The following RPS6KA2 variants were observed in gnomAD, a reference collection of about 807,000 sequenced individuals.
RPS6KA2 encodes the protein ribosomal protein S6 kinase A2.
A neutral mutation model predicts 91.8 loss-of-function variants in RPS6KA2; 42 were observed. The ratio of observed to expected loss-of-function variants is 0.46; its 90% CI spans 0.36 to 0.59. The LOEUF is 0.59. RPS6KA2 is among the 20% of genes least tolerant of loss of function. The probability of loss-of-function intolerance (pLI) is 0.00; values close to 1 mark genes in which losing one functional copy is unlikely to be tolerated. For synonymous variants in RPS6KA2, 414 were observed against 393.6 expected (o/e 1.05, Z -0.61); for missense variants, 798 against 978.5 (o/e 0.82, Z 2.46).
intron 2 of RPS6KA2, among the ~76,000 whole-genome samples, chr6:166,810,010 G>A (rs983083534): frequency 3.9e-5 from 6 of 152,192 alleles, no homozygotes; most frequent in Non-Finnish European, 7.3e-5. Context: ...TCACAGTTAC[G>A]CATAACTGGA....
chr6:166,703,210 C>T (rs1265453265), intron 2 of RPS6KA2, among the ~76,000 whole-genome samples: 8 of 152,166 alleles, frequency 5.3e-5, no homozygotes, highest in South Asian at 2.1e-4. Flanking sequence ...AATGCTTATT[C>T]GTATATGGAT....
chr6:166,841,549 A>T (rs1164691687), intron 2 of RPS6KA2, among the ~76,000 whole-genome samples: 1 of 152,268 alleles, frequency 6.6e-6, no homozygotes, highest in African/African-American at 2.4e-5. Flanking sequence ...TTAATTGCAG[A>T]GGAAAAATAG....
chr6:166,594,684 G>C (rs371834379), intron 1 of RPS6KA2, among the ~76,000 whole-genome samples: 3 of 152,112 alleles, frequency 2.0e-5, no homozygotes, highest in Non-Finnish European at 4.4e-5. Context: ...GGATGGTCTC[G>C]ATCTCCTGAC....
At chr6:166,616,816 CCATGGGGGGCT>C (rs1786433956) in intron 1 of RPS6KA2, among the ~76,000 whole-genome samples, 1 of 152,200 alleles carries the variant, frequency 6.6e-6, no homozygotes, top group South Asian at 2.1e-4. Context: ...ACTGTGGTGC[CCATGGGGGGCT>C]GCCCAGCAGG....
At chr6:166,858,139 A>C in intron 2 of RPS6KA2, 300 of 977,358 alleles carry the variant, frequency 3.1e-4, no homozygotes, top group Non-Finnish European at 4.4e-4. Context: ...TTCCCCCTTC[A>C]CCACCTTCTG....
At chr6:166,439,027 T>C (rs1779432852) in intron 14 of RPS6KA2, among the ~76,000 whole-genome samples, 3 of 152,210 alleles carry the variant, frequency 2.0e-5, no homozygotes, top group South Asian at 4.1e-4. Flanking sequence ...TGAAGAATTA[T>C]ATTATAAACC....
chr6:166,480,210 T>C (rs1781139799), intron 10 of RPS6KA2, among the ~76,000 whole-genome samples: 1 of 152,130 alleles, frequency 6.6e-6, no homozygotes, highest in African/African-American at 2.4e-5. Flanking sequence ...TCGCCAACAG[T>C]GAGGATTGCC....
rs191817195 is a variant in RPS6KA2, at chr6:166,646,477, G to A, written c.124-107693C>T. On this transcript the variant is annotated intron_variant, in intron 2 of 21. Coordinates refer to the RPS6KA2 transcript ENST00000503859. ...TAAGTCCTAGGCCACGGAGGAGCCA[G>A]TCGAGGTCAGCCTGGAGTCTTCTTT... is the stretch of plus-strand genomic sequence containing the variant. 7.9e-5 allele frequency among the ~76,000 whole-genome samples: 12 copies of A among 152,392 alleles called. No homozygotes were observed. In the East Asian group the frequency reaches 2.1e-3, roughly 27 times the overall value.
At chr6:166,729,278 G>A (rs1048180391) in intron 2 of RPS6KA2, among the ~76,000 whole-genome samples, 1 of 152,248 alleles carries the variant, frequency 6.6e-6, no homozygotes, top group South Asian at 2.1e-4. Flanking sequence ...AACGCACACT[G>A]CCTCAGGCAA....
At position 166,410,571 on chromosome 6, in the gene RPS6KA2, T is replaced by G. The variant is rs1253346796; in HGVS notation, c.*2191A>C. ...AAATACATGTAAGGACAGAGCTCGCTGTGATGGGGAGTCTCGTCGGTCCCT... is the reference window on the plus strand; with the variant it reads ...AAATACATGTAAGGACAGAGCTCGCGGTGATGGGGAGTCTCGTCGGTCCCT... On this transcript the variant is annotated 3_prime_UTR_variant, in exon 21 of 21. Transcript: ENST00000265678. 1.3e-5 allele frequency: 2 copies of G among 152,316 alleles called. No homozygotes were observed. Among genetic ancestry groups the G allele is most frequent in the South Asian group, 4.1e-4 (2 of 4,822 alleles). 9.4% of individuals were successfully genotyped at this position (152,316 alleles called of 1,614,324 possible).
At chr6:166,855,477 A>AAAG (rs1562473300) in intron 2 of RPS6KA2, among the ~76,000 whole-genome samples, 4 of 53,134 alleles carry the variant, frequency 7.5e-5, no homozygotes, top group Non-Finnish European at 1.8e-4. Flanking sequence ...AGGAAGAGGA[A>AAAG]GAAGAAGAAG....
At chr6:166,747,230 C>A (rs977229754) in intron 2 of RPS6KA2, among the ~76,000 whole-genome samples, 2 of 152,172 alleles carry the variant, frequency 1.3e-5, no homozygotes, top group Non-Finnish European at 2.9e-5. Flanking sequence ...CAGCCCCCAT[C>A]CTGAAGCTAC....
intron 2 of RPS6KA2, among the ~76,000 whole-genome samples, chr6:166,741,999 G>C (rs1243644558): frequency 6.6e-6 from 1 of 152,174 alleles, no homozygotes; most frequent in East Asian, 1.9e-4. Context: ...ATGGTGGCGG[G>C]CGCCTGTAAT....
chr6:166,792,132 A>G (rs1182280401), intron 2 of RPS6KA2, among the ~76,000 whole-genome samples: 1 of 152,094 alleles, frequency 6.6e-6, no homozygotes, highest in East Asian at 1.9e-4. Flanking sequence ...CAAGACTAAT[A>G]AAGAAGAAAA....
rs1790602266 is a variant in RPS6KA2 at position 166,733,924 on chromosome 6, AG to A, written c.123+124275del. 6.6e-6 allele frequency among the ~76,000 whole-genome samples: 1 copy of A among 152,362 alleles called. No homozygotes were observed. The highest frequency in any genetic ancestry group is 1.9e-4 in the East Asian group (1 of 5,184). ...AAACTGAGATTTCTAAGGAAACTGTAGGGTGTGGAGTAGGATCACTGCTAGG... is the reference window on the plus strand; with the variant it reads ...AAACTGAGATTTCTAAGGAAACTGTAGGTGTGGAGTAGGATCACTGCTAGG... On this transcript the variant is annotated intron_variant, in intron 2 of 21. Transcript: ENST00000503859. The surrounding 1 kb of genome is among the most constrained non-coding windows in gnomAD (Gnocchi z 4.1).
In RPS6KA2 at chr6:166,733,113, T is replaced by A. The variant is rs1196161892; in HGVS notation, c.123+125087A>T. On this transcript the variant is annotated intron_variant, in intron 2 of 21. Transcript: ENST00000503859. This position sits in a 1 kb window ranked among gnomAD's most constrained non-coding sequence, Gnocchi z 4.1. ...CCCCCTGTGGATCGAGCCTACCCTG[T>A]ACTCAGGGCCATGCCAAACCATTGC... Among the ~76,000 whole-genome samples, 1 of 152,202 alleles carries A rather than the reference T, an allele frequency of 6.6e-6. No individual in the cohort carries two copies. The highest frequency in any genetic ancestry group is 1.5e-5 in the Non-Finnish European group (1 of 68,034).
chr6:166,529,608 C>T (rs371297797), intron 3 of RPS6KA2, among the ~76,000 whole-genome samples: 6 of 152,112 alleles, frequency 3.9e-5, no homozygotes, highest in East Asian at 3.8e-4. Context: ...GGTTAAATTA[C>T]GTTACAATTG....
At chr6:166,415,928 CCCACCATTACCCTCACCACAATCACCT>C (rs1562478287) in intron 19 of RPS6KA2, among the ~76,000 whole-genome samples, 3 of 149,292 alleles carry the variant, frequency 2.0e-5, no homozygotes, top group South Asian at 2.2e-4. Context: ...CTCCATCACC[CCCACCATTACCCTCACCACAATCACCT>C]TCACCATCAT....
chr6:166,831,021 CT>C (rs1156512530), intron 2 of RPS6KA2, among the ~76,000 whole-genome samples: 2 of 152,164 alleles, frequency 1.3e-5, no homozygotes, highest in Non-Finnish European at 2.9e-5. Flanking sequence ...CCCTGGACCC[CT>C]GACTCACCAC....
Sources: allele counts gnomAD v4.1 joint callset (sites outside exome capture counted in the v4.1 genomes callset), GRCh38; gene constraint gnomAD v4.1.1; non-coding constraint Gnocchi (gnomAD v3.1); transcripts MANE v1.5; gene names NCBI Gene and HGNC (gene_info 2026-07-23, HGNC 2026-07-21).